The following CDH10 variants were observed in gnomAD, a reference collection of about 807,000 sequenced individuals.
CDH10 encodes cadherin-10.
Under a neutral mutation model 73.1 loss-of-function variants are expected in CDH10, and 30 were observed. The ratio of observed to expected loss-of-function variants is 0.41; its 90% confidence interval spans 0.31 to 0.56. The LOEUF (loss-of-function observed/expected upper bound fraction) is 0.56. Among genes scored for constraint, CDH10 ranks in the 20% least tolerant of loss-of-function variants. The pLI is 0.27. For synonymous variants in CDH10, 345 were observed against 348.2 expected, an observed-to-expected ratio of 0.99 and a Z score of 0.10; for missense variants, 815 against 973.7, an observed-to-expected ratio of 0.84 and a Z score of 2.17.
intron 1 of CDH10, among the ~76,000 whole-genome samples, chr5:24,598,024 C>A (rs1325428586): frequency 6.6e-6 from 1 of 151,706 alleles, no homozygotes. Context: ...AATTTTAATC[C>A]TTTTAAAGTT....
chr5:24,511,150 G>T (rs369587940), intron 6 of CDH10, among the ~76,000 whole-genome samples, 177 bp downstream of exon 6: 47 of 152,248 alleles, frequency 3.1e-4, no homozygotes, highest in African/African-American at 1.1e-3. Context: ...AAAACATGTG[G>T]TCAAAATTTT....
chr5:24,542,850 C>T (rs1265637242), intron 2 of CDH10, among the ~76,000 whole-genome samples: 4 of 152,072 alleles, frequency 2.6e-5, no homozygotes, highest in Non-Finnish European at 4.4e-5. Flanking sequence ...AGCACTAATG[C>T]TATTCATGAG....
chr5:24,579,897 C>G (rs1176571158), intron 2 of CDH10, among the ~76,000 whole-genome samples: 5 of 152,076 alleles, frequency 3.3e-5, no homozygotes, highest in Admixed American at 2.6e-4. Flanking sequence ...AAGGTAATTA[C>G]TGCTAAGAGG....
At chr5:24,638,596 T>G (rs1273742289) in intron 1 of CDH10, among the ~76,000 whole-genome samples, 2 of 151,750 alleles carry the variant, frequency 1.3e-5, no homozygotes, top group Non-Finnish European at 3.0e-5. Flanking sequence ...GGAGAAATAT[T>G]CAAATTTAGG....
At chr5:24,517,550 T>G (rs994987315) in intron 5 of CDH10, among the ~76,000 whole-genome samples, 3 of 150,356 alleles carry the variant, frequency 2.0e-5, no homozygotes, top group African/African-American at 7.3e-5. Context: ...GAATAATAAT[T>G]CAGGTGATTA....
chr5:24,495,949 T>C (rs1013075561), intron 9 of CDH10, among the ~76,000 whole-genome samples: 16 of 152,136 alleles, frequency 1.1e-4, no homozygotes, highest in African/African-American at 3.9e-4. Flanking sequence ...AATTGATTTC[T>C]ATTTTCACTG....
chr5:24,618,184 T>C (rs1747187525), intron 1 of CDH10, among the ~76,000 whole-genome samples: 1 of 152,192 alleles, frequency 6.6e-6, no homozygotes, highest in South Asian at 2.1e-4. Context: ...ATTAGCATAA[T>C]TATGGATAAA....
At chr5:24,580,816 C>T (rs1004391141) in intron 2 of CDH10, among the ~76,000 whole-genome samples, 1 of 152,114 alleles carries the variant, frequency 6.6e-6, no homozygotes, top group Non-Finnish European at 1.5e-5. Flanking sequence ...AAGGAGACTC[C>T]GCTTCCTTGC....
intron 8 of CDH10, among the ~76,000 whole-genome samples, chr5:24,501,273 A>G (rs975371899): frequency 1.3e-5 from 2 of 152,188 alleles, no homozygotes; most frequent in Admixed American, 1.3e-4. Flanking sequence ...CTAACACAAT[A>G]TAGAGATTCT....
At chr5:24,599,684 G>A (rs1005938379) in intron 1 of CDH10, among the ~76,000 whole-genome samples, 2 of 152,184 alleles carry the variant, frequency 1.3e-5, no homozygotes, top group Middle Eastern at 3.4e-3. Flanking sequence ...TATAAACATG[G>A]AGATATAAGA....
chr5:24,627,902 C>G (rs1349620954), intron 1 of CDH10, among the ~76,000 whole-genome samples: 2 of 151,956 alleles, frequency 1.3e-5, no homozygotes, highest in Non-Finnish European at 2.9e-5. Context: ...TATGTATTAT[C>G]TCAGTTAATT....
intron 1 of CDH10, among the ~76,000 whole-genome samples, chr5:24,606,475 G>T (rs747616877): frequency 6.6e-6 from 1 of 152,048 alleles, no homozygotes; most frequent in Non-Finnish European, 1.5e-5. Context: ...GCCAGGCATG[G>T]TGGCATGTCC....
intron 2 of CDH10, among the ~76,000 whole-genome samples, chr5:24,587,011 A>T (rs1322862159): frequency 1.3e-5 from 2 of 150,004 alleles, no homozygotes; most frequent in East Asian, 4.0e-4. Context: ...TGCCCGGCTA[A>T]TTTTTTGTAA....
intron 1 of CDH10, among the ~76,000 whole-genome samples, chr5:24,634,968 T>A (rs1392748745): frequency 6.7e-6 from 1 of 149,544 alleles, no homozygotes; most frequent in Non-Finnish European, 1.5e-5. Flanking sequence ...CCATTCCAGA[T>A]GCTTTTTAAA....
chr5:24,488,204 A>G, intron 11 of CDH10, 51 bp from the exon 12 acceptor site: 1 of 1,422,900 alleles, frequency 7.0e-7, no homozygotes, highest in Non-Finnish European at 9.6e-7. Context: ...AACACTATAA[A>G]TAACGAGTGG....
chr5:24,601,355 T>C (rs1466227427), intron 1 of CDH10, among the ~76,000 whole-genome samples: 2 of 152,172 alleles, frequency 1.3e-5, no homozygotes, highest in East Asian at 3.9e-4. Context: ...ACCAGAAATA[T>C]AACTTGGGTC....
intron 1 of CDH10, among the ~76,000 whole-genome samples, chr5:24,600,054 T>A (rs1463240588): frequency 1.3e-5 from 2 of 152,058 alleles, no homozygotes; most frequent in Non-Finnish European, 2.9e-5. Flanking sequence ...AATTAATTCT[T>A]TATTTTTTCA....
At chr5:24,489,753 A>G (rs1026127797) in intron 11 of CDH10, among the ~76,000 whole-genome samples, 3 of 152,128 alleles carry the variant, frequency 2.0e-5, no homozygotes, top group African/African-American at 7.2e-5. Context: ...CAGTCTGCTC[A>G]TGACTATAAA....
intron 1 of CDH10, among the ~76,000 whole-genome samples, chr5:24,607,656 T>C (rs562002441): frequency 2.0e-5 from 3 of 152,356 alleles, no homozygotes; most frequent in Admixed American, 6.5e-5. Context: ...TAGTTTTTTA[T>C]GACTTTTAAA....
Sources: allele counts gnomAD v4.1 joint callset (sites outside exome capture counted in the v4.1 genomes callset), GRCh38; gene constraint gnomAD v4.1.1; transcripts MANE v1.5; gene names NCBI Gene and HGNC (gene_info 2026-07-23, HGNC 2026-07-21).